TMC7: variants seen among roughly 807,000 people sequenced by gnomAD.
TMC7 encodes transmembrane channel-like protein 7.
A neutral mutation model predicts 82.9 loss-of-function variants in TMC7; 54 were observed. That is an observed-to-expected ratio of 0.65 (90% CI 0.52 to 0.82). The LOEUF (loss-of-function observed/expected upper bound fraction) is 0.82, where lower values mean the gene tolerates loss of function less well. TMC7 is among the 40% of genes least tolerant of loss of function. The probability of loss-of-function intolerance (pLI) is 0.00; values close to 1 mark genes in which losing one functional copy is unlikely to be tolerated. For synonymous variants in TMC7, 350 were observed against 337.9 expected, an observed-to-expected ratio of 1.04 and a Z score of -0.39; for missense variants, 820 against 901.2, an observed-to-expected ratio of 0.91 and a Z score of 1.15.
At chr16:19,013,914 C>T (rs565690367) in intron 2 of TMC7, among the ~76,000 whole-genome samples, 2 of 139,386 alleles carry the variant, frequency 1.4e-5, no homozygotes, top group African/African-American at 2.6e-5. Flanking sequence ...AGTGCACTGG[C>T]ACCATCTTGG....
chr16:18,997,886 T>C (rs1276884303), intron 1 of TMC7, among the ~76,000 whole-genome samples: 2 of 151,802 alleles, frequency 1.3e-5, no homozygotes, highest in African/African-American at 2.4e-5. Flanking sequence ...CCCACCACCA[T>C]GCCCGGCTAA....
rs573324661 is a variant in TMC7, at chr16:19,051,254, A to C, written c.1741-432A>C. Reference sequence around the variant, plus strand: ...CACCAAAATCTTTTTTTTTTTTTTAATTTTATTATTATTATACTTTAAGTT... The same window carrying C: ...CACCAAAATCTTTTTTTTTTTTTTACTTTTATTATTATTATACTTTAAGTT... On this transcript the variant is annotated intron_variant, in intron 12 of 15. Coordinates refer to ENST00000304381, the MANE Select transcript of TMC7 (RefSeq NM_024847.4). 4.8e-4 allele frequency among the ~76,000 whole-genome samples: 39 copies of C among 81,490 alleles called. No individual in the cohort carries two copies. The South Asian group carries it at 0.015, about 31-fold the overall frequency. 53.5% of individuals were successfully genotyped at this position (81,490 alleles called of 152,430 possible).
intron 1 of TMC7, among the ~76,000 whole-genome samples, chr16:18,998,790 G>C (rs957025722): frequency 3.3e-5 from 5 of 151,834 alleles, no homozygotes; most frequent in South Asian, 2.1e-4. Flanking sequence ...TTGAGGGCTT[G>C]AGTTCCAGGC....
At chr16:19,030,037 A>C (rs979904172) in intron 5 of TMC7, among the ~76,000 whole-genome samples, 187 bp from the exon 6 acceptor site, 1 of 152,160 alleles carries the variant, frequency 6.6e-6, no homozygotes, top group African/African-American at 2.4e-5. Flanking sequence ...TTTTAATGCC[A>C]GGGTTTTATC....
At chr16:19,014,079 G>C (rs1241822012) in intron 2 of TMC7, among the ~76,000 whole-genome samples, 1 of 150,334 alleles carries the variant, frequency 6.7e-6, no homozygotes, top group South Asian at 2.1e-4. Flanking sequence ...TGTTAGCCAG[G>C]ATGGTCTTGA....
chr16:18,996,022 C>G lies in TMC7; in HGVS notation c.67+11892C>G, dbSNP rs191451630. Among the ~76,000 whole-genome samples, 342 of 152,170 alleles carry G rather than the reference C, an allele frequency of 2.2e-3. 2 individuals are homozygous for G. Among genetic ancestry groups the G allele is most frequent in the African/African-American group, 7.9e-3 (328 of 41,514 alleles). The stretch of plus-strand genomic sequence containing the variant: ...GAGTGGTCAGATAAAGAAACCTTGA[C>G]TTGCCTTTAGCTCCAGCCACCTTTT... On this transcript the variant is annotated intron_variant, in intron 1 of 15. Coordinates refer to ENST00000304381, the MANE Select transcript of TMC7 (RefSeq NM_024847.4).
rs1232550895 is a variant in TMC7 at position 19,023,164 on chromosome 16, A to G, written c.680A>G (p.Tyr227Cys). The change falls in exon 5 of 16, where the codon TAC becomes TGC. Residue 227 changes from tyrosine (Y) to cysteine (C), a missense_variant. Physicochemically the swap from Tyr to Cys is radical, Grantham distance 194 (BLOSUM62 -2). Transcript: ENST00000304381. Reference sequence around the variant, plus strand: ...AGCAGTTCTGGACTCATTTACTTTTACAGTTATATCATAGACTTGCTTTCT... The same window carrying G: ...AGCAGTTCTGGACTCATTTACTTTTGCAGTTATATCATAGACTTGCTTTCT... ...PVSSSGLIYF[Y>C]SYIIDLLSGT... 4.3e-6 allele frequency: 7 copies of G among 1,609,208 alleles called. No homozygotes were observed. The highest frequency in any genetic ancestry group is 6.0e-6 in the Non-Finnish European group (7 of 1,176,176).
intron 1 of TMC7, chr16:18,984,623 T>C: frequency 1.5e-6 from 1 of 655,528 alleles, no homozygotes; most frequent in Non-Finnish European, 1.9e-6. Flanking sequence ...CCTTCAGCAG[T>C]AAAATGGGAA....
chr16:18,992,207 C>T (rs1318509856), intron 1 of TMC7, among the ~76,000 whole-genome samples: 1 of 152,158 alleles, frequency 6.6e-6, no homozygotes, highest in Non-Finnish European at 1.5e-5. Flanking sequence ...GTTTACAGTC[C>T]CACCAACAGT....
intron 7 of TMC7, among the ~76,000 whole-genome samples, chr16:19,037,215 C>T (rs1385005688): frequency 6.6e-6 from 1 of 151,302 alleles, no homozygotes; most frequent in Non-Finnish European, 1.5e-5. Flanking sequence ...TGGTGAAACC[C>T]CGTCTCTACT....
intron 1 of TMC7, chr16:18,984,655 T>A: frequency 2.9e-6 from 1 of 349,772 alleles, no homozygotes; most frequent in Non-Finnish European, 4.0e-6. Context: ...GGGGATTAGC[T>A]GAGAATCGTG....
intron 13 of TMC7, among the ~76,000 whole-genome samples, chr16:19,053,571 T>A (rs1390716919): frequency 7.2e-5 from 11 of 152,002 alleles, no homozygotes; most frequent in Admixed American, 7.2e-4. Flanking sequence ...GCCCGGCTAA[T>A]TTTGTATTTT....
intron 1 of TMC7, among the ~76,000 whole-genome samples, chr16:18,994,436 C>T (rs1055943422): frequency 7.3e-5 from 11 of 149,762 alleles, no homozygotes; most frequent in Middle Eastern, 3.2e-3. Context: ...CTGGGTGACA[C>T]GGCGAGACTC....
intron 1 of TMC7, among the ~76,000 whole-genome samples, chr16:19,006,404 G>A (rs1407187531): frequency 6.6e-6 from 1 of 152,088 alleles, no homozygotes; most frequent in Non-Finnish European, 1.5e-5. Context: ...GGCTGGTCTT[G>A]GACTCCCAAC....
At position 19,047,250 on chromosome 16, in the gene TMC7, G is replaced by T. The variant is rs1206974493; in HGVS notation, c.1740+1G>T. 3.7e-6 allele frequency: 6 copies of T among 1,613,074 alleles called. No individual in the cohort carries two copies. In the South Asian group the frequency reaches 6.6e-5, roughly 18 times the overall value. ...CATTATCATCTTCTATGTGAAAGAGGTAAGGAGCCGGTGGGAATGGGGGCT... is the reference window on the plus strand; with the variant it reads ...CATTATCATCTTCTATGTGAAAGAGTTAAGGAGCCGGTGGGAATGGGGGCT... On this transcript the variant is annotated splice_donor_variant, in intron 12 of 15. Transcript: ENST00000304381. LOFTEE classifies it high-confidence loss of function.
chr16:19,009,957 A>AG (rs1555514400), intron 2 of TMC7, among the ~76,000 whole-genome samples: 3 of 150,724 alleles, frequency 2.0e-5, no homozygotes, highest in Non-Finnish European at 4.4e-5. Context: ...AAAAAAAAAA[A>AG]GAAGTTTCTT....
intron 5 of TMC7, among the ~76,000 whole-genome samples, chr16:19,029,110 A>G (rs939358906): frequency 1.3e-5 from 2 of 151,282 alleles, no homozygotes; most frequent in African/African-American, 4.9e-5. Flanking sequence ...GGTTCACACC[A>G]TTCTCCTGCT....
chr16:18,994,577 A>G (rs914534964), intron 1 of TMC7, among the ~76,000 whole-genome samples: 4 of 152,018 alleles, frequency 2.6e-5, no homozygotes, highest in Non-Finnish European at 5.9e-5. Flanking sequence ...TAAGGAATGG[A>G]AAGGGGAGTG....
intron 8 of TMC7, 78 bp downstream of exon 8, chr16:19,038,125 T>G (rs1960844620): frequency 7.2e-7 from 1 of 1,394,802 alleles, no homozygotes. Flanking sequence ...TCGTCATTTC[T>G]GTTTTACATA....
Sources: allele counts gnomAD v4.1 joint callset (sites outside exome capture counted in the v4.1 genomes callset), GRCh38; gene constraint gnomAD v4.1.1; transcripts MANE v1.5; gene names NCBI Gene and HGNC (gene_info 2026-07-23, HGNC 2026-07-21).